The following ADCY7 variants were observed in gnomAD, a reference collection of about 807,000 sequenced individuals.
The protein encoded by ADCY7 is adenylate cyclase type 7.
A neutral mutation model predicts 120.6 loss-of-function variants in ADCY7; 72 were observed. The observed-to-expected ratio is 0.60, with a 90% CI of 0.49 to 0.73. The LOEUF (loss-of-function observed/expected upper bound fraction) is 0.73, where lower values mean the gene tolerates loss of function less well. Ranked by LOEUF, ADCY7 falls within the 30% of genes least tolerant of loss-of-function variation. The pLI is 0.00. For missense variants in ADCY7, 1,227 were observed against 1,486.0 expected (o/e 0.83, Z 2.87); for synonymous variants, 661 against 628.0 (o/e 1.05, Z -0.78).
intron 4 of ADCY7, 145 bp downstream of exon 4, chr16:50,292,042 G>A (rs2150968433): frequency 1.0e-5 from 10 of 961,592 alleles, no homozygotes; most frequent in Middle Eastern, 6.6e-4. Flanking sequence ...CCCTCTCCAC[G>A]TCTGCTCGGA....
rs532872264 is a variant in ADCY7 at position 50,300,582 on chromosome 16, G to A, written c.1077-133G>A. 29 of 1,104,778 alleles carry A rather than the reference G, an allele frequency of 2.6e-5. No homozygotes were observed. The East Asian group carries it at 7.0e-4, about 27-fold the overall frequency. The allele number at this position is 1,104,778 out of a possible 1,614,324, so 68.4% of individuals were successfully genotyped here. A position where few individuals can be genotyped will look rare whatever the true frequency, so the allele number is the denominator to read the frequency against. ...CCTGAAGAGGCAGCCCCATCAGGCTGAGAACATTCTCTCCCGTGGGCTGAG... is the reference window on the plus strand; with the variant it reads ...CCTGAAGAGGCAGCCCCATCAGGCTAAGAACATTCTCTCCCGTGGGCTGAG... On this transcript the variant is annotated intron_variant, in intron 8 of 25. Coordinates refer to ENST00000673801, the MANE Select transcript of ADCY7 (RefSeq NM_001114.5).
intron 1 of ADCY7, among the ~76,000 whole-genome samples, chr16:50,260,076 C>G (rs912843311): frequency 3.3e-5 from 5 of 152,216 alleles, no homozygotes; most frequent in Non-Finnish European, 2.9e-5. Flanking sequence ...TGTGGAAGAG[C>G]TGGGGGGCGT....
chr16:50,308,435 C>G lies in ADCY7; in HGVS notation c.1935+24C>G, dbSNP rs201627210. 1.3e-5 allele frequency: 21 copies of G among 1,613,614 alleles called. No homozygotes were observed. In the South Asian group the frequency reaches 2.3e-4, roughly 18 times the overall value. Reference sequence around the variant, plus strand: ...CGGTAAGTGGGGAGCTCTGGCCCCGCGGGCCCTCCCTCCCTGCCTCAGGAC... The same window carrying G: ...CGGTAAGTGGGGAGCTCTGGCCCCGGGGGCCCTCCCTCCCTGCCTCAGGAC... On this transcript the variant is annotated intron_variant, in intron 16 of 25. Transcript: ENST00000673801.
chr16:50,278,964 C>T (rs1274995335), intron 1 of ADCY7, among the ~76,000 whole-genome samples: 8 of 151,614 alleles, frequency 5.3e-5, no homozygotes, highest in African/African-American at 1.7e-4. Context: ...CTCTGCCTCC[C>T]GAGTTCAAGT....
chr16:50,302,929 G>C (rs1199671610), intron 10 of ADCY7, among the ~76,000 whole-genome samples: 20 of 152,372 alleles, frequency 1.3e-4, no homozygotes, highest in Admixed American at 1.2e-3. Context: ...CGCCATTGCT[G>C]TGTGGCCTGG....
intron 5 of ADCY7, 52 bp from the exon 6 acceptor site, chr16:50,293,302 C>T (rs886623230): frequency 5.7e-6 from 9 of 1,592,368 alleles, no homozygotes; most frequent in Non-Finnish European, 7.7e-6. Context: ...CCGCTGGTCC[C>T]TCCGCCGGTC....
chr16:50,302,641 G>A (rs556194158), intron 10 of ADCY7, among the ~76,000 whole-genome samples: 1 of 151,124 alleles, frequency 6.6e-6, no homozygotes, highest in South Asian at 2.1e-4. Context: ...TGAAGGGCGT[G>A]TTGTAGAAAG....
intron 12 of ADCY7, 50 bp downstream of exon 12, chr16:50,305,009 A>G: frequency 6.2e-7 from 1 of 1,610,152 alleles, no homozygotes; most frequent in Non-Finnish European, 8.5e-7. Flanking sequence ...ACCTCCTCCA[A>G]GCAGGCTGCC....
chr16:50,269,104 C>T (rs956009007), intron 1 of ADCY7, among the ~76,000 whole-genome samples: 1 of 152,182 alleles, frequency 6.6e-6, no homozygotes, highest in African/African-American at 2.4e-5. Context: ...GGGACATGCA[C>T]CCCACTCTAC....
At chr16:50,255,521 G>T (rs1467336451) in intron 1 of ADCY7, among the ~76,000 whole-genome samples, 1 of 151,748 alleles carries the variant, frequency 6.6e-6, no homozygotes, top group Non-Finnish European at 1.5e-5. Flanking sequence ...TTCAGATAGT[G>T]TCTCACTCTG....
At chr16:50,308,225 A>G (rs2036207249) in intron 15 of ADCY7, 102 bp from the exon 16 acceptor site, 2 of 1,592,990 alleles carry the variant, frequency 1.3e-6, no homozygotes, top group Admixed American at 1.7e-5. Flanking sequence ...GCAGAATACC[A>G]GGTAGGGTGG....
rs749714597 is a variant in ADCY7, at chr16:50,311,808, C to CG, written c.2448+22_2448+23insG. 3.2e-5 allele frequency: 43 copies of CG among 1,337,114 alleles called. No individual in the cohort carries two copies. In the South Asian group the frequency reaches 4.8e-4, roughly 15 times the overall value. 82.8% of individuals were successfully genotyped at this position (1,337,114 alleles called of 1,614,324 possible). ...ACAGGTAAGGAGGCTGGCCCCCCCC[C>CG]CCCCCCCAAGCTCTGCCCACTTTTC... On this transcript the variant is annotated intron_variant, in intron 20 of 25. Coordinates refer to ENST00000673801, the MANE Select transcript of ADCY7 (RefSeq NM_001114.5).
rs755300900 is a variant in ADCY7 at position 50,300,827 on chromosome 16, C to T, written c.1189C>T (p.His397Tyr). Residue 397 changes from histidine to tyrosine, a missense_variant, in exon 9 of 26, where the codon CAC becomes TAC. By Grantham distance (83) the His-to-Tyr change is moderately conservative (BLOSUM62 2). Around this residue, in one of 5 missense-constraint regions of ADCY7, gnomAD observed 332 missense variants for 455.8 expected, o/e 0.73. Transcript: ENST00000673801. The stretch of plus-strand genomic sequence containing the variant: ...CAAGTGGCAGTATGACGTGTGGTCC[C>T]ACGACGTGTCCCTGGCCAACCGGAT... ...LRKWQYDVWS[H>Y]DVSLANRMEA... 9.6e-6 allele frequency: 15 copies of T among 1,557,692 alleles called. No homozygotes were observed. The highest frequency in any genetic ancestry group is 5.8e-5 in the Admixed American group (3 of 51,764).
chr16:50,254,407 A>C (rs1410875680), intron 1 of ADCY7, among the ~76,000 whole-genome samples: 1 of 152,248 alleles, frequency 6.6e-6, no homozygotes, highest in East Asian at 1.9e-4. Context: ...ATCACCAAAT[A>C]ACTGTTAGAA....
intron 1 of ADCY7, among the ~76,000 whole-genome samples, chr16:50,267,308 A>G (rs1229972488): frequency 6.6e-6 from 1 of 152,126 alleles, no homozygotes; most frequent in African/African-American, 2.4e-5. Context: ...CTAAACATGT[A>G]TGTACAGAGG....
rs1449567950 is a variant in ADCY7 at position 50,304,909 on chromosome 16, C to T, written c.1561-16C>T. ...TTCTGGGGAATGACTGTATCCTTTC[C>T]TCCCTTCCCTTTCAGAGCGTTCCCC... is the stretch of plus-strand genomic sequence containing the variant. On this transcript the variant is annotated splice_polypyrimidine_tract_variant and intron_variant, in intron 11 of 25. Coordinates refer to ENST00000673801, the MANE Select transcript of ADCY7 (RefSeq NM_001114.5). 6.2e-7 allele frequency: 1 copy of T among 1,613,748 alleles called. No individual in the cohort carries two copies. Among genetic ancestry groups the T allele is most frequent in the Admixed American group, 1.7e-5 (1 of 60,032 alleles).
rs888205551 is a variant in ADCY7, at chr16:50,315,919, C to A, written c.*414C>A. The stretch of plus-strand genomic sequence containing the variant: ...AGACACCAAGGGGGAGTAAGCTGAG[C>A]TGTCTAGCACGGATTGGAGACTCCC... On this transcript the variant is annotated 3_prime_UTR_variant, in exon 26 of 26. Transcript: ENST00000673801. 6.2e-6 allele frequency: 1 copy of A among 162,278 alleles called. No individual in the cohort carries two copies. The highest frequency in any genetic ancestry group is 2.4e-5 in the African/African-American group (1 of 41,878). 10.1% of individuals were successfully genotyped at this position (162,278 alleles called of 1,614,324 possible). A position where few individuals can be genotyped will look rare whatever the true frequency, so the allele number is the denominator to read the frequency against.
chr16:50,281,498 T>A (rs761278679), intron 1 of ADCY7, among the ~76,000 whole-genome samples: 1 of 152,210 alleles, frequency 6.6e-6, no homozygotes, highest in Non-Finnish European at 1.5e-5. Context: ...CCACTCTGCG[T>A]GCTTCCCCAC....
At chr16:50,262,081 C>T (rs565018849), upstream of ADCY7, among the ~76,000 whole-genome samples, 2 of 152,252 alleles carry the variant, frequency 1.3e-5, no homozygotes, top group African/African-American at 2.4e-5. Context: ...TGTTATTTGT[C>T]CCTTGGCTGA....
Sources: gnomAD v4.1 joint callset for allele counts (sites outside exome capture counted in the v4.1 genomes callset) on GRCh38, gnomAD v4.1.1 for gene constraint, gnomAD v4.1.1 regional missense constraint, MANE v1.5 for transcripts, NCBI Gene and HGNC (gene_info 2026-07-23, HGNC 2026-07-21) for gene names.